Variants in RNF169 observed in about 807,000 individuals in gnomAD.
The protein encoded by RNF169 is ring finger protein 169.
RNF169 carries 24 observed loss-of-function variants against 53.9 expected under a neutral mutation model. The observed-to-expected ratio is 0.45, with a 90% CI of 0.32 to 0.63. The LOEUF is 0.63. Ranked by LOEUF, RNF169 falls within the 20% of genes least tolerant of loss-of-function variation. RNF169 has a pLI of 0.04. For missense variants in RNF169, 883 were observed against 906.2 expected (o/e 0.97, Z 0.33); for synonymous variants, 396 against 363.5 (o/e 1.09, Z -1.02).
Position 74,841,859 on chromosome 11 carries a change from C to A in RNF169, c.*5129C>A, listed in dbSNP as rs2036595370. The A allele has an allele frequency of 6.6e-6, 1 of 152,250 alleles. No homozygotes were observed. The highest frequency in any genetic ancestry group is 2.1e-4 in the South Asian group (1 of 4,836). The allele number at this position is 152,250 out of a possible 1,614,324, so 9.4% of individuals were successfully genotyped here. A position where few individuals can be genotyped will look rare whatever the true frequency, so the allele number is the denominator to read the frequency against. Reference sequence around the variant, plus strand: ...GCCCCTTCTTGGGGCCACCACCCTCCAAAGCTGTGCCACCAATGAGAGCAT... The same window carrying A: ...GCCCCTTCTTGGGGCCACCACCCTCAAAAGCTGTGCCACCAATGAGAGCAT... On this transcript the variant is annotated 3_prime_UTR_variant, in exon 6 of 6. Transcript: ENST00000299563.
chr11:74,814,723 C>G (rs1041245758), intron 3 of RNF169, among the ~76,000 whole-genome samples: 2 of 152,010 alleles, frequency 1.3e-5, no homozygotes, highest in African/African-American at 2.4e-5. Context: ...GAATCCACAT[C>G]ATTATTCAGT....
intron 1 of RNF169, among the ~76,000 whole-genome samples, chr11:74,751,008 C>T (rs764140607): frequency 4.6e-5 from 7 of 151,366 alleles, no homozygotes; most frequent in Non-Finnish European, 1.0e-4. Flanking sequence ...GTAGCTGGGA[C>T]CACAGGCACG....
At position 74,810,199 on chromosome 11, in the gene RNF169, T is replaced by C; in HGVS notation, c.592T>C (p.Leu198=). 6.2e-7 allele frequency: 1 copy of C among 1,609,460 alleles called. No individual in the cohort carries two copies. Among genetic ancestry groups the C allele is most frequent in the Non-Finnish European group, 8.5e-7 (1 of 1,178,980 alleles). The part of the protein sequence containing the change: ...ESLRKLREEK[L]QEEKPSEDQI... ...ATATTTTTAGCTGAGAGAAGAAAAGTTACAAGAGGAAAAACCCTCTGAAGA... is the reference window on the plus strand; with the variant it reads ...ATATTTTTAGCTGAGAGAAGAAAAGCTACAAGAGGAAAAACCCTCTGAAGA... The change falls in exon 3 of 6, where the codon TTA becomes CTA. Residue 198 remains leucine (L), a synonymous_variant. Coordinates refer to ENST00000299563, the MANE Select transcript of RNF169 (RefSeq NM_001098638.2).
At chr11:74,771,786 C>T (rs779773974) in intron 1 of RNF169, among the ~76,000 whole-genome samples, 3 of 152,048 alleles carry the variant, frequency 2.0e-5, no homozygotes, top group Admixed American at 6.5e-5. Flanking sequence ...GGCATGGTGG[C>T]TCATGCCTAT....
At chr11:74,782,767 A>G (rs2035434635) in intron 1 of RNF169, among the ~76,000 whole-genome samples, 1 of 152,156 alleles carries the variant, frequency 6.6e-6, no homozygotes, top group African/African-American at 2.4e-5. Flanking sequence ...ATATAACTAT[A>G]TATTTGTGTA....
chr11:74,823,960 T>A (rs976197452), intron 4 of RNF169, among the ~76,000 whole-genome samples: 4 of 152,108 alleles, frequency 2.6e-5, no homozygotes, highest in Admixed American at 2.6e-4. Context: ...GAATCTGATT[T>A]TCATAGTTGC....
chr11:74,795,730 G>A lies in RNF169; in HGVS notation c.576+6031G>A, dbSNP rs1409496517. Reference sequence around the variant, plus strand: ...AAATTAGTTGGACATGGTGGCACATGCCTGTAGTCCTAGCTACTCGGGAGG... The same window carrying A: ...AAATTAGTTGGACATGGTGGCACATACCTGTAGTCCTAGCTACTCGGGAGG... On this transcript the variant is annotated intron_variant, in intron 2 of 5. Coordinates refer to ENST00000299563, the MANE Select transcript of RNF169 (RefSeq NM_001098638.2). Among the ~76,000 whole-genome samples the A allele has an allele frequency of 2.0e-5, 3 of 152,130 alleles. No homozygotes were observed. The East Asian group carries it at 5.8e-4, about 29-fold the overall frequency.
chr11:74,810,242 T>C lies in RNF169; in HGVS notation c.635T>C (p.Leu212Ser). ...KPSEDQIHKL[L>S]PEDTETGKRK... is the part of the protein sequence containing the mutation. ...TCTGAAGATCAAATCCACAAGCTGT[T>C]ACCAGAGGATACAGAAACAGGGAAA... Residue 212 changes from leucine (L) to serine (S), a missense_variant, in exon 3 of 6, where the codon TTA becomes TCA. Around this residue, in one of 3 missense-constraint regions of RNF169, gnomAD observed 219 missense variants for 289.1 expected, o/e 0.76. Transcript: ENST00000299563. 1 of 1,613,304 alleles carries C rather than the reference T, an allele frequency of 6.2e-7. No individual in the cohort carries two copies. Among genetic ancestry groups the C allele is most frequent in the Non-Finnish European group, 8.5e-7 (1 of 1,179,314 alleles).
chr11:74,770,624 A>G (rs1258565395), intron 1 of RNF169, among the ~76,000 whole-genome samples: 1 of 152,130 alleles, frequency 6.6e-6, no homozygotes, highest in East Asian at 1.9e-4. Context: ...CCTGTGTTAC[A>G]CAGTACTTGG....
intron 1 of RNF169, among the ~76,000 whole-genome samples, chr11:74,772,376 AT>A (rs1403568189): frequency 2.0e-5 from 3 of 151,994 alleles, no homozygotes; most frequent in African/African-American, 7.2e-5. Flanking sequence ...ACACAGGGTT[AT>A]TATAAGGCTT....
At chr11:74,788,253 TA>T (rs2035532259) in intron 1 of RNF169, among the ~76,000 whole-genome samples, 1 of 152,122 alleles carries the variant, frequency 6.6e-6, no homozygotes, top group African/African-American at 2.4e-5. Flanking sequence ...TTGTTTGCCT[TA>T]AGAGATATGT....
At chr11:74,811,392 C>T (rs1591421172) in intron 3 of RNF169, among the ~76,000 whole-genome samples, 1 of 152,240 alleles carries the variant, frequency 6.6e-6, no homozygotes, top group East Asian at 1.9e-4. Context: ...CAGGCTTGTG[C>T]CACTATACCC....
At chr11:74,755,767 G>A (rs2034972720) in intron 1 of RNF169, among the ~76,000 whole-genome samples, 2 of 152,188 alleles carry the variant, frequency 1.3e-5, no homozygotes, top group African/African-American at 4.8e-5. Context: ...ATGTAGAAAG[G>A]CTTGAAGGTG....
chr11:74,828,799 A>G (rs1045625739), intron 4 of RNF169, among the ~76,000 whole-genome samples: 15 of 152,222 alleles, frequency 9.9e-5, no homozygotes, highest in African/African-American at 3.4e-4. Context: ...CAGAAAACTG[A>G]AACTGGACCC....
chr11:74,776,396 T>C (rs1425469954), intron 1 of RNF169, among the ~76,000 whole-genome samples: 2 of 151,916 alleles, frequency 1.3e-5, no homozygotes, highest in Non-Finnish European at 2.9e-5. Context: ...TAAATTCACC[T>C]TTGCCTTAAT....
chr11:74,835,096 A>G (rs915448004), intron 5 of RNF169, among the ~76,000 whole-genome samples: 10 of 151,998 alleles, frequency 6.6e-5, no homozygotes, highest in African/African-American at 2.2e-4. Context: ...AGCCTTTCTC[A>G]CCTCAGCCTC....
At chr11:74,824,784 C>T (rs1227721534) in intron 4 of RNF169, among the ~76,000 whole-genome samples, 1 of 152,166 alleles carries the variant, frequency 6.6e-6, no homozygotes, top group African/African-American at 2.4e-5. Flanking sequence ...AATGCAATAT[C>T]AGCAATGTGC....
Position 74,840,921 on chromosome 11 carries a change from C to G in RNF169, c.*4191C>G, listed in dbSNP as rs1374939034. The G allele has an allele frequency of 6.6e-6, 1 of 151,710 alleles. No individual in the cohort carries two copies. The highest frequency in any genetic ancestry group is 6.6e-5 in the Admixed American group (1 of 15,216). The allele number at this position is 151,710 out of a possible 1,614,324, so 9.4% of individuals were successfully genotyped here. A position where few individuals can be genotyped will look rare whatever the true frequency, so the allele number is the denominator to read the frequency against. On this transcript the variant is annotated 3_prime_UTR_variant, in exon 6 of 6. Transcript: ENST00000299563. ...GACACACGCACCAATGATGGGGATA[C>G]CCCCAAATGATTTAGGAGGTTATTT...
chr11:74,829,147 A>G (rs2036139758), intron 4 of RNF169, among the ~76,000 whole-genome samples: 1 of 152,240 alleles, frequency 6.6e-6, no homozygotes, highest in Non-Finnish European at 1.5e-5. Flanking sequence ...CAAATTTACA[A>G]GAAAACAAAA....
Sources: gnomAD v4.1 joint callset for allele counts (sites outside exome capture counted in the v4.1 genomes callset) on GRCh38, gnomAD v4.1.1 for gene constraint, gnomAD v4.1.1 regional missense constraint, MANE v1.5 for transcripts, NCBI Gene and HGNC (gene_info 2026-07-23, HGNC 2026-07-21) for gene names.